NBAS: variants seen among roughly 807,000 people sequenced by gnomAD.
NBAS encodes NAG/BC035112 fusion.
A neutral mutation model predicts 302.5 loss-of-function variants in NBAS; 219 were observed. That is an observed-to-expected ratio of 0.72 (90% confidence interval 0.65 to 0.81). The LOEUF (loss-of-function observed/expected upper bound fraction) is 0.81, where lower values mean the gene tolerates loss of function less well. Ranked by LOEUF, NBAS falls within the 30% of genes least tolerant of loss-of-function variation. The probability of loss-of-function intolerance (pLI) is 0.00; values close to 1 mark genes in which losing one functional copy is unlikely to be tolerated. For synonymous variants in NBAS, 1,118 were observed against 1,021.6 expected (o/e 1.09, Z -1.80); for missense variants, 2,932 against 2,841.6 (o/e 1.03, Z -0.72).
In NBAS at chr2:15,276,947, G is replaced by C; in HGVS notation, c.5293C>G (p.Leu1765Val). Residue 1765 changes from leucine (L) to valine (V), a missense_variant, in exon 43 of 52, where the codon CTT becomes GTT. Coordinates refer to ENST00000281513, the MANE Select transcript of NBAS (RefSeq NM_015909.4). The stretch of plus-strand genomic sequence containing the variant: ...TCTGCACAGCCACAGTTTTCCAGAA[G>C]AGTGAAATAATACTGCAGCCTTTCG... Reference protein sequence around the residue: ...DHERLQYYFTLLENCGCADLG... With the variant: ...DHERLQYYFTVLENCGCADLG... 1.2e-6 allele frequency: 2 copies of C among 1,614,074 alleles called. No homozygotes were observed. The highest frequency in any genetic ancestry group is 1.7e-6 in the Non-Finnish European group (2 of 1,179,988).
chr2:15,094,224 G>A, the NBAS span, among the ~76,000 whole-genome samples: 9 of 152,128 alleles, frequency 5.9e-5, no homozygotes, highest in Non-Finnish European at 1.3e-4. Context: ...GGCTATTAAG[G>A]TAACTGTTTG....
intron 30 of NBAS, among the ~76,000 whole-genome samples, chr2:15,377,956 T>A (rs1318658585): frequency 6.6e-6 from 1 of 152,172 alleles, no homozygotes. Context: ...AAATGTATAA[T>A]CTCTTATAGA....
intron 33 of NBAS, among the ~76,000 whole-genome samples, chr2:15,354,013 C>T (rs1572707055): frequency 1.3e-5 from 2 of 152,280 alleles, no homozygotes; most frequent in East Asian, 1.9e-4. Context: ...TGTGAAAAGG[C>T]AGCCATCTGA....
the NBAS span, among the ~76,000 whole-genome samples, chr2:15,014,213 C>T: frequency 6.6e-6 from 1 of 152,076 alleles, no homozygotes; most frequent in African/African-American, 2.4e-5. Context: ...TGGGATTTCT[C>T]ATTCTCAGGA....
At chr2:15,130,448 C>G in the NBAS span, among the ~76,000 whole-genome samples, 1 of 152,224 alleles carries the variant, frequency 6.6e-6, no homozygotes, top group African/African-American at 2.4e-5. Flanking sequence ...AGGTACCAAA[C>G]ATCTGAAAAT....
intron 28 of NBAS, among the ~76,000 whole-genome samples, chr2:15,385,724 G>T (rs1261282263): frequency 6.6e-6 from 1 of 152,152 alleles, no homozygotes; most frequent in Non-Finnish European, 1.5e-5. Context: ...ATATTCTATG[G>T]GTAGTGAAGG....
the NBAS span, among the ~76,000 whole-genome samples, chr2:15,025,273 G>A: frequency 1.3e-5 from 2 of 152,140 alleles, no homozygotes; most frequent in Admixed American, 6.5e-5. Context: ...TCAGATGGTT[G>A]TAGGTGTGTG....
At chr2:14,953,536 T>A in the NBAS span, among the ~76,000 whole-genome samples, 2 of 152,148 alleles carry the variant, frequency 1.3e-5, no homozygotes, top group African/African-American at 4.8e-5. Flanking sequence ...CCTAGCCCCA[T>A]GGAGTGGTGG....
At chr2:14,808,086 G>A in the NBAS span, among the ~76,000 whole-genome samples, 3 of 152,088 alleles carry the variant, frequency 2.0e-5, no homozygotes, top group Admixed American at 1.3e-4. Context: ...ATTTCAAAAA[G>A]AATGAATTAC....
At chr2:14,841,612 T>A in the NBAS span, among the ~76,000 whole-genome samples, 1 of 151,384 alleles carries the variant, frequency 6.6e-6, no homozygotes, top group Non-Finnish European at 1.5e-5. Context: ...GATAAAGGGG[T>A]CAATTCAGCA....
chr2:15,016,054 G>A, the NBAS span, among the ~76,000 whole-genome samples: 2 of 151,994 alleles, frequency 1.3e-5, no homozygotes, highest in South Asian at 2.1e-4. Context: ...AAAATACCTT[G>A]TATATTAGTT....
the NBAS span, among the ~76,000 whole-genome samples, chr2:14,972,434 A>C: frequency 6.6e-6 from 1 of 152,052 alleles, no homozygotes; most frequent in Non-Finnish European, 1.5e-5. Context: ...AATAATAATA[A>C]TAATAATAAT....
the NBAS span, among the ~76,000 whole-genome samples, chr2:15,058,757 C>T: frequency 2.0e-5 from 3 of 152,220 alleles, no homozygotes; most frequent in African/African-American, 2.4e-5. Context: ...CACAACTGGC[C>T]GGGAATCTCC....
At chr2:14,959,190 CAAAG>C in the NBAS span, among the ~76,000 whole-genome samples, 3 of 152,188 alleles carry the variant, frequency 2.0e-5, no homozygotes, top group Non-Finnish European at 2.9e-5. Flanking sequence ...CCCTCATCTG[CAAAG>C]AGAGATGCAA....
chr2:15,054,764 G>A, the NBAS span, among the ~76,000 whole-genome samples: 1 of 152,148 alleles, frequency 6.6e-6, no homozygotes, highest in Non-Finnish European at 1.5e-5. Context: ...CCCATGATGA[G>A]GGCCTCCTGG....
chr2:15,425,613 A>G (rs1443965168), intron 22 of NBAS, among the ~76,000 whole-genome samples: 2 of 152,136 alleles, frequency 1.3e-5, no homozygotes, highest in African/African-American at 4.8e-5. Context: ...CACTACAATA[A>G]AACTTCCCTA....
At chr2:14,804,915 C>A in the NBAS span, among the ~76,000 whole-genome samples, 1 of 152,184 alleles carries the variant, frequency 6.6e-6, no homozygotes, top group South Asian at 2.1e-4. Flanking sequence ...CTTGTTTCCC[C>A]AAACAGAAGG....
intron 21 of NBAS, among the ~76,000 whole-genome samples, chr2:15,443,235 C>T (rs991125343): frequency 7.9e-5 from 12 of 151,998 alleles, no homozygotes; most frequent in Middle Eastern, 3.4e-3. Context: ...TTGATGAACA[C>T]TGATGCAAAA....
chr2:15,358,440 G>A (rs188946467), intron 32 of NBAS, among the ~76,000 whole-genome samples: 14 of 152,024 alleles, frequency 9.2e-5, no homozygotes, highest in Admixed American at 3.3e-4. Flanking sequence ...GCGTGTGCCC[G>A]TGTGCATGTA....
Sources: allele counts gnomAD v4.1 joint callset (sites outside exome capture counted in the v4.1 genomes callset), GRCh38; gene constraint gnomAD v4.1.1; transcripts MANE v1.5; gene names NCBI Gene and HGNC (gene_info 2026-07-23, HGNC 2026-07-21).